The following CCNH variants were observed in gnomAD, a reference collection of about 807,000 sequenced individuals.
CCNH encodes the protein cyclin-H.
In CCNH, 31 loss-of-function variants were observed where a neutral mutation model predicts 41.9. The observed-to-expected ratio is 0.74, with a 90% CI of 0.56 to 1.00. The LOEUF is 1.00. Ranked by LOEUF, CCNH falls within the 50% of genes least tolerant of loss-of-function variation. The pLI is 0.00. For synonymous variants in CCNH, 138 were observed against 136.1 expected (o/e 1.01, Z -0.10); for missense variants, 362 against 388.4 (o/e 0.93, Z 0.57).
At chr5:87,406,175 G>C (rs1285299326) in intron 4 of CCNH, among the ~76,000 whole-genome samples, 1 of 152,058 alleles carries the variant, frequency 6.6e-6, no homozygotes, top group African/African-American at 2.4e-5. Flanking sequence ...CCTAACCCAT[G>C]ATTTCCCCTT....
intron 9 of CCNH, among the ~76,000 whole-genome samples, chr5:87,352,524 T>G (rs1245716594): frequency 6.6e-6 from 1 of 151,774 alleles, no homozygotes; most frequent in Non-Finnish European, 1.5e-5. Context: ...TCACTAAAAT[T>G]TATATTAAAA....
At chr5:87,325,725 C>T (rs1243276278) in intron 9 of CCNH, among the ~76,000 whole-genome samples, 2 of 152,180 alleles carry the variant, frequency 1.3e-5, no homozygotes, top group Non-Finnish European at 2.9e-5. Context: ...AAAAGGAACT[C>T]TATTGATGTT....
chr5:87,318,839 A>G (rs931430928), exon 10 of CCNH: 9 of 152,224 alleles, frequency 5.9e-5, no homozygotes, highest in African/African-American at 2.2e-4. Context: ...TCCTTCCAGC[A>G]TTAACTGAAA....
chr5:87,333,244 C>CTT (rs564571974), intron 9 of CCNH: 28 of 1,220,898 alleles, frequency 2.3e-5, no homozygotes, highest in Admixed American at 1.1e-4. Flanking sequence ...CTTTTTAAAT[C>CTT]TTTTTTTTTT....
At chr5:87,401,286 TTC>T (rs1485199548) in intron 6 of CCNH, among the ~76,000 whole-genome samples, 3 of 152,248 alleles carry the variant, frequency 2.0e-5, no homozygotes, top group South Asian at 4.1e-4. Context: ...TAACAGTGCC[TTC>T]TCTGAGTGTG....
At chr5:87,355,666 T>C (rs1759596320) in intron 9 of CCNH, among the ~76,000 whole-genome samples, 1 of 152,192 alleles carries the variant, frequency 6.6e-6, no homozygotes, top group Non-Finnish European at 1.5e-5. Flanking sequence ...AAGAAATAAT[T>C]TCATAATGTT....
rs1763931151 is a variant in CCNH at position 87,408,079 on chromosome 5, T to TC, written c.421dup (p.Glu141GlyfsTer7). On this transcript the variant is annotated frameshift_variant, in exon 4 of 9. Coordinates refer to ENST00000256897, the MANE Select transcript of CCNH (RefSeq NM_001239.4). LOFTEE classifies it high-confidence loss of function. ...AAGTAGTTCATATTCCAGTATCTGT[T>TC]CAAGTGCCTTCTCCTGTCCAAGAGG... is the stretch of plus-strand genomic sequence containing the variant. The TC allele has an allele frequency of 6.2e-7, 1 of 1,613,222 alleles. No individual in the cohort carries two copies. The highest frequency in any genetic ancestry group is 2.2e-5 in the East Asian group (1 of 44,870).
intron 6 of CCNH, 69 bp downstream of exon 6, chr5:87,401,633 C>G: frequency 1.1e-6 from 1 of 929,640 alleles, no homozygotes; most frequent in Non-Finnish European, 1.6e-6. Flanking sequence ...AGTTAAACAC[C>G]AAGAGATTTA....
chr5:87,366,546 T>A (rs937695642), intron 9 of CCNH: 1 of 191,170 alleles, frequency 5.2e-6, no homozygotes, highest in Non-Finnish European at 1.2e-5. Context: ...GCAATAAATA[T>A]ACATTTACCA....
At position 87,409,294 on chromosome 5, in the gene CCNH, T is replaced by C; in HGVS notation, c.310A>G (p.Ile104Val). 1 of 1,524,092 alleles carries C rather than the reference T, an allele frequency of 6.6e-7. No individual in the cohort carries two copies. Among genetic ancestry groups the C allele is most frequent in the Non-Finnish European group, 9.1e-7 (1 of 1,101,056 alleles). The allele number at this position is 1,524,092 out of a possible 1,614,324, so 94.4% of individuals were successfully genotyped here. Reference protein sequence around the residue: ...NSVMEYHPRIIMLTCAFLACK... With the variant: ...NSVMEYHPRIVMLTCAFLACK... ...ATATTAGACAGACATACTCACATTA[T>C]TATCCTGGGGTGATATTCCATTACT... The change falls in exon 3 of 9, where the codon ATA becomes GTA. Residue 104 changes from isoleucine to valine, a missense_variant. Transcript: ENST00000256897.
chr5:87,350,056 C>T (rs1242511557), intron 9 of CCNH, among the ~76,000 whole-genome samples: 1 of 151,720 alleles, frequency 6.6e-6, no homozygotes, highest in African/African-American at 2.4e-5. Flanking sequence ...CTTATATTTG[C>T]CTAGTTTAAC....
At chr5:87,354,402 T>C (rs575357135) in intron 9 of CCNH, among the ~76,000 whole-genome samples, 1 of 152,270 alleles carries the variant, frequency 6.6e-6, no homozygotes, top group African/African-American at 2.4e-5. Flanking sequence ...TTCACTATTA[T>C]ATGTTATGTT....
intron 9 of CCNH, among the ~76,000 whole-genome samples, chr5:87,325,069 C>T (rs931325633): frequency 4.6e-5 from 7 of 152,070 alleles, no homozygotes; most frequent in South Asian, 2.1e-4. Flanking sequence ...CTCATAGTTC[C>T]GCAGGGCTGG....
At chr5:87,329,824 T>C (rs1232910253) in intron 9 of CCNH, among the ~76,000 whole-genome samples, 1 of 152,184 alleles carries the variant, frequency 6.6e-6, no homozygotes, top group African/African-American at 2.4e-5. Flanking sequence ...CACAACTAAA[T>C]AAACTCATAG....
chr5:87,385,543 TA>T (rs1408656384), intron 9 of CCNH, among the ~76,000 whole-genome samples: 1 of 152,146 alleles, frequency 6.6e-6, no homozygotes, highest in Non-Finnish European at 1.5e-5. Context: ...GTAGCTTGTT[TA>T]AATTTTACAT....
At chr5:87,336,022 T>C (rs1463105443) in intron 9 of CCNH, among the ~76,000 whole-genome samples, 2 of 152,204 alleles carry the variant, frequency 1.3e-5, no homozygotes, top group African/African-American at 4.8e-5. Flanking sequence ...AAAATACTTA[T>C]CCTTTTCACA....
At chr5:87,393,425 T>C (rs1249662191), downstream of CCNH, 1 of 152,216 alleles carries the variant, frequency 6.6e-6, no homozygotes, top group Non-Finnish European at 1.5e-5. Flanking sequence ...AGAGTAGGCA[T>C]TTTTATCTTC....
chr5:87,372,393 TAAGA>T (rs1761013791), downstream of CCNH, among the ~76,000 whole-genome samples: 1 of 152,130 alleles, frequency 6.6e-6, no homozygotes, highest in Non-Finnish European at 1.5e-5. Context: ...GTTAAAAACA[TAAGA>T]AAGATTATTC....
At chr5:87,409,528 C>G (rs1193745521) in intron 2 of CCNH, among the ~76,000 whole-genome samples, 165 bp from the exon 3 acceptor site, 2 of 152,000 alleles carry the variant, frequency 1.3e-5, no homozygotes, top group East Asian at 3.8e-4. Flanking sequence ...TGATGAATTA[C>G]TACAGAAATG....
Sources: allele counts gnomAD v4.1 joint callset (sites outside exome capture counted in the v4.1 genomes callset), GRCh38; gene constraint gnomAD v4.1.1; transcripts MANE v1.5; gene names NCBI Gene and HGNC (gene_info 2026-07-23, HGNC 2026-07-21).